PCDHGB1: variants seen among roughly 807,000 people sequenced by gnomAD.
PCDHGB1 encodes the protein protocadherin gamma-B1.
PCDHGB1 carries 34 observed loss-of-function variants against 56.6 expected under a neutral mutation model. The observed-to-expected ratio is 0.60, with a 90% CI of 0.46 to 0.80. The LOEUF is 0.80. PCDHGB1 is among the 30% of genes least tolerant of loss of function. The pLI is 0.00. For missense variants in PCDHGB1, 1,278 were observed against 1,204.6 expected, an observed-to-expected ratio of 1.06 and a Z score of -0.90; for synonymous variants, 561 against 505.9, an observed-to-expected ratio of 1.11 and a Z score of -1.46.
intron 1 of PCDHGB1, chr5:141,433,359 CT>C: frequency 8.7e-6 from 2 of 228,708 alleles, no homozygotes; most frequent in Non-Finnish European, 1.6e-5. Context: ...TACTGTCTGC[CT>C]ATCTATCTAT....
At chr5:141,374,748 G>T in intron 1 of PCDHGB1, 1 of 1,611,888 alleles carries the variant, frequency 6.2e-7, no homozygotes, top group Non-Finnish European at 8.5e-7. Flanking sequence ...GACCCTGTCC[G>T]CTCAAGCGTC....
Position 141,366,401 on chromosome 5 carries a change from C to T in PCDHGB1, c.2409+13732C>T, listed in dbSNP as rs770890042. On this transcript the variant is annotated intron_variant, in intron 1 of 3. Transcript: ENST00000523390. ...TGACCCTGAGGATCTGGACCTCACA[C>T]TCTATCTTGTGGTGGCAGTGGCTGC... The T allele has an allele frequency of 1.4e-5, 22 of 1,614,202 alleles. No individual in the cohort carries two copies. In the East Asian group the frequency reaches 4.5e-4, roughly 33 times the overall value.
Position 141,432,811 on chromosome 5 carries a change from T to G in PCDHGB1, c.2410-61996T>G. Reference sequence around the variant, plus strand: ...GCAGCCTCGAGTCTCCAGCTAACTCTGAAACCTCAGACCTCACTCTGTACC... The same window carrying G: ...GCAGCCTCGAGTCTCCAGCTAACTCGGAAACCTCAGACCTCACTCTGTACC... On this transcript the variant is annotated intron_variant, in intron 1 of 3. Transcript: ENST00000523390. The surrounding 1 kb of genome is among the most constrained non-coding windows in gnomAD (Gnocchi z 6.0). 1 of 1,614,126 alleles carries G rather than the reference T, an allele frequency of 6.2e-7. No homozygotes were observed. Among genetic ancestry groups the G allele is most frequent in the Non-Finnish European group, 8.5e-7 (1 of 1,179,988 alleles).
At position 141,512,574 on chromosome 5, in the gene PCDHGB1, C is replaced by T. The variant is rs1429371202; in HGVS notation, c.*1401C>T. 6.5e-6 allele frequency: 1 copy of T among 152,884 alleles called. No homozygotes were observed. Among genetic ancestry groups the T allele is most frequent in the Non-Finnish European group, 1.5e-5 (1 of 68,502 alleles). The allele number at this position is 152,884 out of a possible 1,614,324, so 9.5% of individuals were successfully genotyped here. On this transcript the variant is annotated 3_prime_UTR_variant, in exon 4 of 4. Coordinates refer to ENST00000523390, the MANE Select transcript of PCDHGB1 (RefSeq NM_018922.3). ...GTGCATAGACCTTCTTCTCCCACCCCCTTCTGCCCCTGGGTCCCCGGCCAT... is the reference window on the plus strand; with the variant it reads ...GTGCATAGACCTTCTTCTCCCACCCTCTTCTGCCCCTGGGTCCCCGGCCAT...
At chr5:141,405,187 G>A (rs372851700) in intron 1 of PCDHGB1, 1 of 1,613,360 alleles carries the variant, frequency 6.2e-7, no homozygotes, top group East Asian at 2.2e-5. Flanking sequence ...GTGTAGATGG[G>A]GTTCGAGCTT....
chr5:141,385,638 T>C lies in PCDHGB1; in HGVS notation c.2409+32969T>C, dbSNP rs773812795. 80 of 831,646 alleles carry C rather than the reference T, an allele frequency of 9.6e-5. 1 individual carries two copies. Among genetic ancestry groups the C allele is most frequent in the Non-Finnish European group, 1.2e-4 (78 of 652,914 alleles). 51.5% of individuals were successfully genotyped at this position (831,646 alleles called of 1,614,324 possible). A position where few individuals can be genotyped will look rare whatever the true frequency, so the allele number is the denominator to read the frequency against. ...TATACATTGGAATGAATCGAGTCTT[T>C]CATATTGCACAAGGTTAGCAGGAAT... is the stretch of plus-strand genomic sequence containing the variant. On this transcript the variant is annotated intron_variant, in intron 1 of 3. Transcript: ENST00000523390.
chr5:141,355,232 C>G (rs1759768343), intron 1 of PCDHGB1: 1 of 1,611,712 alleles, frequency 6.2e-7, no homozygotes, highest in Non-Finnish European at 8.5e-7. Flanking sequence ...CCAGACCACA[C>G]CCGGCTGCTC....
At chr5:141,407,328 A>G (rs1016529734) in intron 1 of PCDHGB1, among the ~76,000 whole-genome samples, 1 of 152,210 alleles carries the variant, frequency 6.6e-6, no homozygotes, top group Admixed American at 6.5e-5. Flanking sequence ...ATTTATAAAT[A>G]TTGAAATGTA....
At chr5:141,361,429 C>T (rs1762019360) in intron 1 of PCDHGB1, 1 of 1,614,066 alleles carries the variant, frequency 6.2e-7, no homozygotes. Flanking sequence ...CAAGCCGCCC[C>T]TCTCCTCCAG....
chr5:141,388,729 G>T (rs1407038729), intron 1 of PCDHGB1: 10 of 1,614,012 alleles, frequency 6.2e-6, no homozygotes, highest in Non-Finnish European at 8.5e-6. Context: ...TTCTCTTTCA[G>T]TGAAGCTAGC....
chr5:141,499,423 G>GA (rs1229901490), intron 2 of PCDHGB1, among the ~76,000 whole-genome samples: 1 of 151,754 alleles, frequency 6.6e-6, no homozygotes, highest in Non-Finnish European at 1.5e-5. Flanking sequence ...ATGAAAAATA[G>GA]AAAAAAAATT....
At chr5:141,371,321 T>C (rs1767663616) in intron 1 of PCDHGB1, 4 of 1,613,816 alleles carry the variant, frequency 2.5e-6, no homozygotes, top group Non-Finnish European at 3.4e-6. Context: ...AACTGGACTT[T>C]GAAGAGAGAG....
chr5:141,423,539 T>C (rs747825176), intron 1 of PCDHGB1: 10 of 1,613,140 alleles, frequency 6.2e-6, no homozygotes, highest in Non-Finnish European at 8.5e-6. Flanking sequence ...CACCTGATTT[T>C]CCCCCAGCCC....
rs565813908 is a variant in PCDHGB1 at position 141,503,968 on chromosome 5, G to A, written c.2469-1425G>A. Among the ~76,000 whole-genome samples, 14 of 152,182 alleles carry A rather than the reference G, an allele frequency of 9.2e-5. No homozygotes were observed. The South Asian group carries it at 2.7e-3, about 29-fold the overall frequency. ...GGCCTACCCTACAGCCTTTCCCATG[G>A]TGCCAAACCCTTCTTCTTACCTTAC... On this transcript the variant is annotated intron_variant, in intron 2 of 3. Transcript: ENST00000523390.
chr5:141,351,075 C>A lies in PCDHGB1; in HGVS notation c.815C>A (p.Ala272Glu), dbSNP rs547501388. 7 of 1,613,914 alleles carry A rather than the reference C, an allele frequency of 4.3e-6. No homozygotes were observed. The highest frequency in any genetic ancestry group is 5.9e-6 in the Non-Finnish European group (7 of 1,179,882). Residue 272 changes from alanine (A) to glutamate (E), a missense_variant, in exon 1 of 4, where the codon GCA becomes GAA. Transcript: ENST00000523390. ...ACAGACCAGGATGAGGGCATTAATG[C>A]AGAGATCACCTATGCCTTCCTCAAT... is the stretch of plus-strand genomic sequence containing the variant. ...MATDQDEGIN[A>E]EITYAFLNSP... is the part of the protein sequence containing the mutation.
At chr5:141,364,427 T>C (rs372052970) in intron 1 of PCDHGB1, 20 of 1,613,650 alleles carry the variant, frequency 1.2e-5, no homozygotes, top group Non-Finnish European at 1.7e-5. Flanking sequence ...GCAGATCCGC[T>C]ACTCGATGCC....
At chr5:141,360,363 A>T (rs1213185009) in intron 1 of PCDHGB1, 1 of 1,613,936 alleles carries the variant, frequency 6.2e-7, no homozygotes, top group Non-Finnish European at 8.5e-7. Context: ...AATATTTCAC[A>T]GTAAACCCAG....
intron 1 of PCDHGB1, among the ~76,000 whole-genome samples, chr5:141,387,411 G>A (rs2090933954): frequency 1.3e-5 from 2 of 152,196 alleles, no homozygotes; most frequent in Admixed American, 6.5e-5. Flanking sequence ...ATTGGGGAAA[G>A]CTTATGTCAA....
At chr5:141,374,635 C>T (rs759050511) in intron 1 of PCDHGB1, 1 of 1,613,044 alleles carries the variant, frequency 6.2e-7, no homozygotes, top group Non-Finnish European at 8.5e-7. Flanking sequence ...ACGTGCAAAG[C>T]GAAGCCCATG....
Sources: gnomAD v4.1 joint callset for allele counts (sites outside exome capture counted in the v4.1 genomes callset) on GRCh38, gnomAD v4.1.1 for gene constraint, Gnocchi (gnomAD v3.1) non-coding constraint, MANE v1.5 for transcripts, NCBI Gene and HGNC (gene_info 2026-07-23, HGNC 2026-07-21) for gene names.